LRFN5: variants seen among roughly 807,000 people sequenced by gnomAD.
The protein encoded by LRFN5 is leucine rich repeat and fibronectin type III domain containing 5.
Under a neutral mutation model 45.6 loss-of-function variants are expected in LRFN5, and 24 were observed. The observed-to-expected ratio is 0.53, with a 90% confidence interval of 0.38 to 0.74. The LOEUF is 0.74. LRFN5 is among the 30% of genes least tolerant of loss of function. LRFN5 has a pLI of 0.00. For synonymous variants in LRFN5, 340 were observed against 313.8 expected, an observed-to-expected ratio of 1.08 and a Z score of -0.88; for missense variants, 776 against 861.5, an observed-to-expected ratio of 0.90 and a Z score of 1.24.
At chr14:41,646,282 T>C (rs1304658473) in intron 1 of LRFN5, among the ~76,000 whole-genome samples, 1 of 152,230 alleles carries the variant, frequency 6.6e-6, no homozygotes, top group East Asian at 1.9e-4. Context: ...GATGCTGTTA[T>C]GTTTCATCAT....
At chr14:41,898,784 T>G (rs1594508097) in intron 4 of LRFN5, 133 bp from the exon 5 acceptor site, 1 of 836,736 alleles carries the variant, frequency 1.2e-6, no homozygotes. Flanking sequence ...GGTAAGTTTT[T>G]TAAAAAAAAT....
intron 1 of LRFN5, among the ~76,000 whole-genome samples, chr14:41,663,289 C>G (rs1482964316): frequency 1.3e-5 from 2 of 152,064 alleles, no homozygotes; most frequent in Non-Finnish European, 2.9e-5. Context: ...TTTACACTTC[C>G]TTGTCAGAGA....
At chr14:41,685,923 T>C (rs1882099213) in intron 1 of LRFN5, among the ~76,000 whole-genome samples, 1 of 152,150 alleles carries the variant, frequency 6.6e-6, no homozygotes, top group Non-Finnish European at 1.5e-5. Context: ...TTGTTCTTTT[T>C]GCTTAGGATT....
rs1889456155 is a variant in LRFN5, at chr14:41,856,473, T to A, written c.-20-30133T>A. Among the ~76,000 whole-genome samples, 8 of 151,950 alleles carry A rather than the reference T, an allele frequency of 5.3e-5. No homozygotes were observed. In the South Asian group the frequency reaches 1.7e-3, roughly 31 times the overall value. On this transcript the variant is annotated intron_variant, in intron 2 of 5. Coordinates refer to ENST00000298119, the MANE Select transcript of LRFN5 (RefSeq NM_152447.5). Reference sequence around the variant, plus strand: ...TGCATGGCCGTTTCCGTCAAGGAGTTAAAGCCCTGGTGGAGGCAGTAATGG... The same window carrying A: ...TGCATGGCCGTTTCCGTCAAGGAGTAAAAGCCCTGGTGGAGGCAGTAATGG...
At chr14:41,724,418 T>C (rs1461849176) in intron 1 of LRFN5, among the ~76,000 whole-genome samples, 4 of 152,142 alleles carry the variant, frequency 2.6e-5, no homozygotes, top group Admixed American at 2.6e-4. Context: ...TAAAAACCTT[T>C]GAAACACATT....
chr14:41,841,332 G>T (rs892351304), intron 2 of LRFN5, among the ~76,000 whole-genome samples: 1 of 151,878 alleles, frequency 6.6e-6, no homozygotes, highest in East Asian at 1.9e-4. Context: ...GGCTTCACTG[G>T]ATGGAAATAG....
At chr14:41,747,391 G>T (rs1884964431) in intron 1 of LRFN5, among the ~76,000 whole-genome samples, 2 of 151,992 alleles carry the variant, frequency 1.3e-5, no homozygotes, top group Admixed American at 1.3e-4. Flanking sequence ...TGCATGTGTG[G>T]ACAAATTATT....
At chr14:41,689,892 CT>C (rs1566622489) in intron 1 of LRFN5, among the ~76,000 whole-genome samples, 1 of 65,256 alleles carries the variant, frequency 1.5e-5, no homozygotes, top group African/African-American at 8.6e-5. Flanking sequence ...GAGACTCCGT[CT>C]CAAAAAAAAA....
At chr14:41,756,691 C>A (rs1885402091) in intron 1 of LRFN5, among the ~76,000 whole-genome samples, 1 of 152,102 alleles carries the variant, frequency 6.6e-6, no homozygotes. Flanking sequence ...ACTTCTTTGC[C>A]ATGGGTTCGA....
intron 1 of LRFN5, among the ~76,000 whole-genome samples, chr14:41,659,708 C>T (rs1880548015): frequency 6.6e-6 from 1 of 152,148 alleles, no homozygotes; most frequent in Non-Finnish European, 1.5e-5. Context: ...TCCTCTCCAG[C>T]ATCTGTTGTT....
intron 3 of LRFN5, among the ~76,000 whole-genome samples, chr14:41,889,169 C>A (rs2078565921): frequency 6.7e-6 from 1 of 150,152 alleles, no homozygotes; most frequent in Non-Finnish European, 1.5e-5. Flanking sequence ...CAGATCAGTT[C>A]CTATGTACCC....
chr14:41,861,189 C>A (rs1048918101), intron 2 of LRFN5, among the ~76,000 whole-genome samples: 3 of 152,160 alleles, frequency 2.0e-5, no homozygotes, highest in African/African-American at 7.2e-5. Context: ...TGTAAAAACA[C>A]CCTATTTTTC....
At chr14:41,826,163 A>G (rs1472945079) in intron 2 of LRFN5, among the ~76,000 whole-genome samples, 1 of 152,190 alleles carries the variant, frequency 6.6e-6, no homozygotes, top group Non-Finnish European at 1.5e-5. Flanking sequence ...TGTGAGGTGG[A>G]GTGTGGAGAG....
rs919685226 is a variant in LRFN5 at position 41,737,438 on chromosome 14, G to A, written c.-196-29416G>A. ...CTGGAAGCATTTCCTTTGAAAACCG[G>A]CACAAGACAAGGATGCCGTCTCTCT... On this transcript the variant is annotated intron_variant, in intron 1 of 5. Transcript: ENST00000298119. Among the ~76,000 whole-genome samples, 3 of 152,082 alleles carry A rather than the reference G, an allele frequency of 2.0e-5. No homozygotes were observed. In the East Asian group the frequency reaches 5.8e-4, roughly 29 times the overall value.
At chr14:41,732,323 G>T (rs1050234601) in intron 1 of LRFN5, among the ~76,000 whole-genome samples, 12 of 152,242 alleles carry the variant, frequency 7.9e-5, no homozygotes, top group African/African-American at 2.9e-4. Context: ...CCCTATTGTT[G>T]TAAGTCTTCT....
rs112705101 is a variant in LRFN5, at chr14:41,660,994, G to C, written c.-197+52432G>C. ...TGCGCTTATATATTTTTGCACCCTT[G>C]CATGATTTGGAATTATTGTTATTCA... On this transcript the variant is annotated intron_variant, in intron 1 of 5. Transcript: ENST00000298119. Among the ~76,000 whole-genome samples, 917 of 150,326 alleles carry C rather than the reference G, an allele frequency of 6.1e-3. 15 individuals carry two copies. Among genetic ancestry groups the C allele is most frequent in the African/African-American group, 0.022 (892 of 40,878 alleles).
At chr14:41,810,081 A>C (rs1211111592) in intron 2 of LRFN5, among the ~76,000 whole-genome samples, 1 of 152,098 alleles carries the variant, frequency 6.6e-6, no homozygotes, top group African/African-American at 2.4e-5. Context: ...CATTATAATT[A>C]GTGTTTTTAA....
At chr14:41,713,431 C>T (rs1258359028) in intron 1 of LRFN5, among the ~76,000 whole-genome samples, 3 of 151,900 alleles carry the variant, frequency 2.0e-5, no homozygotes, top group Non-Finnish European at 1.5e-5. Flanking sequence ...CAAAGACAAT[C>T]TATAAACTTG....
At chr14:41,757,462 G>A (rs976326836) in intron 1 of LRFN5, among the ~76,000 whole-genome samples, 1 of 152,162 alleles carries the variant, frequency 6.6e-6, no homozygotes, top group African/African-American at 2.4e-5. Context: ...AATGGTGGGC[G>A]CCCCTCCCCC....
Sources: allele counts gnomAD v4.1 joint callset (sites outside exome capture counted in the v4.1 genomes callset), GRCh38; gene constraint gnomAD v4.1.1; transcripts MANE v1.5; gene names NCBI Gene and HGNC (gene_info 2026-07-23, HGNC 2026-07-21).